ACVRL1: variants seen among roughly 807,000 people sequenced by gnomAD.
The protein encoded by ACVRL1 is activin A receptor like type 1.
In ACVRL1, 20 loss-of-function variants were observed where a neutral mutation model predicts 51.9. The observed-to-expected ratio is 0.39, with a 90% CI of 0.27 to 0.56. The LOEUF is 0.56. Ranked by LOEUF, ACVRL1 falls within the 20% of genes least tolerant of loss-of-function variation. The pLI is 0.67. For synonymous variants in ACVRL1, 288 were observed against 280.9 expected, an observed-to-expected ratio of 1.03 and a Z score of -0.25; for missense variants, 451 against 670.3, an observed-to-expected ratio of 0.67 and a Z score of 3.61.
chr12:51,921,021 G>C lies in ACVRL1; in HGVS notation c.*128G>C, dbSNP rs1302730286. The C allele has an allele frequency of 1.7e-6, 2 of 1,188,002 alleles. No individual in the cohort carries two copies. Among genetic ancestry groups the C allele is most frequent in the African/African-American group, 1.5e-5 (1 of 66,166 alleles). The allele number at this position is 1,188,002 out of a possible 1,614,324, so 73.6% of individuals were successfully genotyped here. On this transcript the variant is annotated 3_prime_UTR_variant, in exon 10 of 10. Coordinates refer to ENST00000388922, the MANE Select transcript of ACVRL1 (RefSeq NM_000020.3). ...TGGGGATGGGCAGCTGCGCCTGCCT[G>C]CTCGGCCCCCAGCCCACCCAGCCAA... is the stretch of plus-strand genomic sequence containing the variant.
rs863223406 is a variant in ACVRL1, at chr12:51,919,116, G to A, written c.1377+1G>A. The A allele has an allele frequency of 6.2e-7, 1 of 1,614,142 alleles. No homozygotes were observed. Among genetic ancestry groups the A allele is most frequent in the Non-Finnish European group, 8.5e-7 (1 of 1,180,024 alleles). Reference sequence around the variant, plus strand: ...CCCTAACCGGCTGGCTGCAGACCCGGTGAGGCCTCTGCTGGGACTAGGATG... The same window carrying A: ...CCCTAACCGGCTGGCTGCAGACCCGATGAGGCCTCTGCTGGGACTAGGATG... On this transcript the variant is annotated splice_donor_variant, in intron 9 of 9. Transcript: ENST00000388922. LOFTEE classifies it high-confidence loss of function.
upstream of ACVRL1, chr12:51,907,125 T>A (rs1340841563): frequency 6.6e-6 from 1 of 150,656 alleles, no homozygotes; most frequent in East Asian, 2.0e-4. This position sits in a 1 kb window ranked among gnomAD's most constrained non-coding sequence, Gnocchi z 4.5. Flanking sequence ...CACCCACTAC[T>A]CCGGCCGCCA....
chr12:51,918,819 ATTAG>A (rs964004775), intron 8 of ACVRL1, among the ~76,000 whole-genome samples, 162 bp from the exon 9 acceptor site: 5 of 152,230 alleles, frequency 3.3e-5, no homozygotes, highest in African/African-American at 1.2e-4. Flanking sequence ...AGTCATTAAC[ATTAG>A]TTAGAAACAC....
chr12:51,918,537 C>T (rs778019277), intron 8 of ACVRL1, among the ~76,000 whole-genome samples: 1 of 152,168 alleles, frequency 6.6e-6, no homozygotes, highest in Non-Finnish European at 1.5e-5. Flanking sequence ...TAGTTGGGGC[C>T]TGGGAGCAGT....
At chr12:51,911,197 G>C (rs1469609636) in intron 1 of ACVRL1, among the ~76,000 whole-genome samples, 1 of 152,226 alleles carries the variant, frequency 6.6e-6, no homozygotes, top group Non-Finnish European at 1.5e-5. Context: ...TCTTGCTGCA[G>C]CTTTAGCCAA....
chr12:51,912,893 G>A (rs1940723532), intron 2 of ACVRL1, among the ~76,000 whole-genome samples: 1 of 152,212 alleles, frequency 6.6e-6, no homozygotes, highest in South Asian at 2.1e-4. Context: ...GAGCCAGGAG[G>A]GGACAAAAGC....
intron 9 of ACVRL1, 139 bp downstream of exon 9, chr12:51,919,254 T>G (rs1940913445): frequency 1.3e-4 from 180 of 1,338,222 alleles, no homozygotes; most frequent in Non-Finnish European, 1.7e-4. Context: ...CTCTAGGTAC[T>G]CCCTCTTTCA....
chr12:51,914,705 T>C (rs1940788316), intron 6 of ACVRL1, 120 bp downstream of exon 6: 1 of 698,110 alleles, frequency 1.4e-6, no homozygotes, highest in African/African-American at 1.8e-5. Flanking sequence ...ACCTGCAGCA[T>C]CAACCTCTTT....
chr12:51,920,934 GGGGGT>G lies in ACVRL1; in HGVS notation c.*46_*50del. 1 of 1,441,420 alleles carries G rather than the reference GGGGGT, an allele frequency of 6.9e-7. No individual in the cohort carries two copies. Among genetic ancestry groups the G allele is most frequent in the Non-Finnish European group, 9.5e-7 (1 of 1,055,196 alleles). The allele number at this position is 1,441,420 out of a possible 1,614,324, so 89.3% of individuals were successfully genotyped here. A position where few individuals can be genotyped will look rare whatever the true frequency, so the allele number is the denominator to read the frequency against. On this transcript the variant is annotated 3_prime_UTR_variant, in exon 10 of 10. Transcript: ENST00000388922. ...TTCCTTTCTGCCTGCAGGGGGCTGGGGGGGTGGGGGGCAGTGGATGGTGCCCTATC... is the reference window on the plus strand; with the variant it reads ...TTCCTTTCTGCCTGCAGGGGGCTGGGGGGGGGCAGTGGATGGTGCCCTATC...
rs1941017893 is a variant in ACVRL1, at chr12:51,922,953, A to G, written c.*2060A>G. 1 of 152,666 alleles carries G rather than the reference A, an allele frequency of 6.6e-6. No individual in the cohort carries two copies. The highest frequency in any genetic ancestry group is 1.5e-5 in the Non-Finnish European group (1 of 68,062). 9.5% of individuals were successfully genotyped at this position (152,666 alleles called of 1,614,324 possible). On this transcript the variant is annotated 3_prime_UTR_variant, in exon 10 of 10. Transcript: ENST00000388922. Reference sequence around the variant, plus strand: ...CTCAATGGATGGGCTAGGTTCCCAGATCATTAGGGCAGAGTTTGCACGTCC... The same window carrying G: ...CTCAATGGATGGGCTAGGTTCCCAGGTCATTAGGGCAGAGTTTGCACGTCC...
intron 1 of ACVRL1, among the ~76,000 whole-genome samples, chr12:51,910,145 G>A (rs2139057433): frequency 6.6e-6 from 1 of 152,298 alleles, no homozygotes; most frequent in Non-Finnish European, 1.5e-5. Context: ...CACATTCCCA[G>A]GATTAGACCA....
At chr12:51,914,667 T>G in intron 6 of ACVRL1, 82 bp downstream of exon 6, 1 of 1,495,604 alleles carries the variant, frequency 6.7e-7, no homozygotes, top group Non-Finnish European at 9.1e-7. Context: ...CTCCAGACAT[T>G]AACAGAACCC....
intron 2 of ACVRL1, 84 bp downstream of exon 2, chr12:51,912,619 G>C: frequency 2.5e-6 from 3 of 1,188,916 alleles, no homozygotes; most frequent in Non-Finnish European, 3.7e-6. Flanking sequence ...GCCTGGGGCT[G>C]AACTTGAGAA....
chr12:51,920,618 C>G (rs1940950645), intron 9 of ACVRL1, 141 bp from the exon 10 acceptor site: 1 of 895,348 alleles, frequency 1.1e-6, no homozygotes, highest in Non-Finnish European at 1.8e-6. Flanking sequence ...CTGCTTATGT[C>G]TCCCCATTAC....
rs61734312 is a variant in ACVRL1, at chr12:51,919,115, G to A, written c.1377G>A (p.Pro459=). The A allele has an allele frequency of 1.1e-5, 17 of 1,614,004 alleles. No homozygotes were observed. The highest frequency in any genetic ancestry group is 3.3e-5 in the South Asian group (3 of 91,088). Residue 459 remains proline, a splice_region_variant and synonymous_variant, in exon 9 of 10, where the codon CCG becomes CCA. Coordinates refer to ENST00000388922, the MANE Select transcript of ACVRL1 (RefSeq NM_000020.3). ...PTIPNRLAAD[P]VLSGLAQMMR... is the part of the protein sequence containing the mutation. ...TCCCTAACCGGCTGGCTGCAGACCC[G>A]GTGAGGCCTCTGCTGGGACTAGGAT...
chr12:51,919,010 C>T lies in ACVRL1; in HGVS notation c.1272C>T (p.Pro424=). 1.9e-6 allele frequency: 3 copies of T among 1,614,180 alleles called. No individual in the cohort carries two copies. The highest frequency in any genetic ancestry group is 1.3e-5 in the African/African-American group (1 of 75,052). Residue 424 remains proline, a synonymous_variant, in exon 9 of 10, where the codon CCC becomes CCT. Coordinates refer to ENST00000388922, the MANE Select transcript of ACVRL1 (RefSeq NM_000020.3). ...VNGIVEDYRP[P]FYDVVPNDPS... is the part of the protein sequence containing the mutation. ...GCATCGTGGAGGACTATAGACCACC[C>T]TTCTATGATGTGGTGCCCAATGACC...
At chr12:51,916,420 AG>A (rs1354313848) in intron 8 of ACVRL1, among the ~76,000 whole-genome samples, 187 bp downstream of exon 8, 1 of 152,222 alleles carries the variant, frequency 6.6e-6, no homozygotes, top group Non-Finnish European at 1.5e-5. Context: ...AACAGATAAC[AG>A]GGTCTGTGAG....
In ACVRL1 at chr12:51,913,356, T is replaced by C; in HGVS notation, c.313+6T>C. On this transcript the variant is annotated splice_donor_region_variant and intron_variant, in intron 3 of 9. Transcript: ENST00000388922. ...CGTGTCCCTGGTGCTGGAGGGTACG[T>C]CCAGCTGCCCTAGCACTCCCTCCCC... 1 of 1,611,446 alleles carries C rather than the reference T, an allele frequency of 6.2e-7. No individual in the cohort carries two copies. Among genetic ancestry groups the C allele is most frequent in the Non-Finnish European group, 8.5e-7 (1 of 1,179,300 alleles).
Position 51,919,100 on chromosome 12 carries a change from G to T in ACVRL1, c.1362G>T (p.Arg454=). Residue 454 remains arginine, a synonymous_variant, in exon 9 of 10, where the codon CGG becomes CGT. Coordinates refer to ENST00000388922, the MANE Select transcript of ACVRL1 (RefSeq NM_000020.3). The stretch of plus-strand genomic sequence containing the variant: ...AGCAGACCCCCACCATCCCTAACCG[G>T]CTGGCTGCAGACCCGGTGAGGCCTC... ...VDQQTPTIPN[R]LAADPVLSGL... 1 of 1,614,076 alleles carries T rather than the reference G, an allele frequency of 6.2e-7. No homozygotes were observed. The highest frequency in any genetic ancestry group is 1.1e-5 in the South Asian group (1 of 91,072).
Sources: allele counts gnomAD v4.1 joint callset (sites outside exome capture counted in the v4.1 genomes callset), GRCh38; gene constraint gnomAD v4.1.1; non-coding constraint Gnocchi (gnomAD v3.1); transcripts MANE v1.5; gene names NCBI Gene and HGNC (gene_info 2026-07-23, HGNC 2026-07-21).